Variants in IKZF1 observed in about 807,000 individuals in gnomAD.
IKZF1 encodes the protein DNA-binding protein Ikaros.
In IKZF1, 10 loss-of-function variants were observed where a neutral mutation model predicts 51.7. That is an observed-to-expected ratio of 0.19 (90% CI 0.12 to 0.33). The LOEUF (loss-of-function observed/expected upper bound fraction) is 0.33, where lower values mean the gene tolerates loss of function less well. Among genes scored for constraint, IKZF1 ranks in the 10% least tolerant of loss-of-function variants. The pLI is 1.00. For synonymous variants in IKZF1, 280 were observed against 282.3 expected (o/e 0.99, Z 0.08); for missense variants, 484 against 707.5 (o/e 0.68, Z 3.58).
chr7:50,367,821 C>T, intron 3 of IKZF1: 1 of 569,446 alleles, frequency 1.8e-6, no homozygotes, highest in Non-Finnish European at 3.1e-6. Flanking sequence ...GATTGTGGTC[C>T]TGTTCATGAG....
intron 3 of IKZF1, among the ~76,000 whole-genome samples, chr7:50,344,397 T>C (rs1188751751): frequency 6.6e-6 from 1 of 152,220 alleles, no homozygotes; most frequent in African/African-American, 2.4e-5. Context: ...ATGAAGTCAA[T>C]CAGCAGTGTT....
At chr7:50,391,237 T>C (rs1289553807) in intron 6 of IKZF1, among the ~76,000 whole-genome samples, 13 of 152,192 alleles carry the variant, frequency 8.5e-5, no homozygotes. Flanking sequence ...TCTGGGTTTT[T>C]CCTCCACATT....
intron 3 of IKZF1, chr7:50,369,745 G>A: frequency 2.5e-6 from 1 of 395,680 alleles, no homozygotes; most frequent in East Asian, 3.6e-5. Flanking sequence ...AGTTGCTGGA[G>A]GAAAGAAAAT....
rs141727094 is a variant in IKZF1 at position 50,389,258 on chromosome 7, G to T, written c.715+1788G>T. ...AAGGAGTGGATACACGTGTGAGCAG[G>T]AGCCTAGACATGTGTCAGGTACTTA... On this transcript the variant is annotated intron_variant, in intron 6 of 7. Transcript: ENST00000331340. 5.4e-3 allele frequency among the ~76,000 whole-genome samples: 826 copies of T among 152,340 alleles called. 5 individuals are homozygous for T. The highest frequency in any genetic ancestry group is 0.014 in the African/African-American group (586 of 41,582).
intron 3 of IKZF1, among the ~76,000 whole-genome samples, chr7:50,359,502 A>G (rs1350057410): frequency 1.3e-5 from 2 of 152,268 alleles, no homozygotes; most frequent in East Asian, 1.9e-4. Context: ...ACTGCTGCCT[A>G]TTTGGCCGCA....
At chr7:50,331,957 A>G (rs1796526921) in intron 3 of IKZF1, among the ~76,000 whole-genome samples, 1 of 152,238 alleles carries the variant, frequency 6.6e-6, no homozygotes, top group African/African-American at 2.4e-5. Context: ...TGGTCTATTT[A>G]GTGAGACTGT....
intron 3 of IKZF1, chr7:50,369,708 A>G (rs1808094853): frequency 5.0e-6 from 2 of 396,100 alleles, no homozygotes; most frequent in Non-Finnish European, 8.9e-6. Context: ...CACCCCCTCT[A>G]CTGTCCTTAT....
intron 3 of IKZF1, among the ~76,000 whole-genome samples, chr7:50,353,226 C>A (rs1802328264): frequency 6.6e-6 from 1 of 152,236 alleles, no homozygotes; most frequent in African/African-American, 2.4e-5. Flanking sequence ...GCAGAATTTG[C>A]AGCTCCATGT....
intron 2 of IKZF1, among the ~76,000 whole-genome samples, chr7:50,322,320 T>G (rs917959053): frequency 1.3e-5 from 2 of 152,212 alleles, no homozygotes; most frequent in African/African-American, 4.8e-5. Flanking sequence ...CCATAAAATA[T>G]TAAAGTATCA....
intron 1 of IKZF1, among the ~76,000 whole-genome samples, chr7:50,314,475 G>C (rs1790993475): frequency 6.6e-6 from 1 of 152,234 alleles, no homozygotes; most frequent in Admixed American, 6.5e-5. Context: ...AATTTTGAGT[G>C]ACCCTCAGTA....
intron 3 of IKZF1, among the ~76,000 whole-genome samples, chr7:50,370,918 G>C (rs1216455757): frequency 6.6e-6 from 1 of 152,160 alleles, no homozygotes; most frequent in Admixed American, 6.5e-5. Context: ...CAATACCACA[G>C]CTAAGCAGTT....
Position 50,306,654 on chromosome 7 carries a change from G to A in IKZF1, c.-15+1732G>A, listed in dbSNP as rs184814370. Among the ~76,000 whole-genome samples the A allele has an allele frequency of 1.0e-3, 155 of 152,356 alleles. 1 individual carries two copies. The highest frequency in any genetic ancestry group is 3.3e-3 in the Admixed American group (51 of 15,308). ...AAGAGAAGATCAGCTGTGGCCGTTT[G>A]TAGCCATTTCCTTTGTCGAAAAACT... On this transcript the variant is annotated intron_variant, in intron 1 of 7. Coordinates refer to ENST00000331340, the MANE Select transcript of IKZF1 (RefSeq NM_006060.6).
intron 3 of IKZF1, among the ~76,000 whole-genome samples, chr7:50,330,851 G>C (rs1482107122): frequency 6.6e-6 from 1 of 152,150 alleles, no homozygotes; most frequent in Non-Finnish European, 1.5e-5. Context: ...GCCGAGAGGA[G>C]GAAATGGAGT....
chr7:50,314,486 C>T (rs1435268285), intron 1 of IKZF1, among the ~76,000 whole-genome samples: 1 of 152,206 alleles, frequency 6.6e-6, no homozygotes, highest in East Asian at 1.9e-4. Flanking sequence ...ACCCTCAGTA[C>T]TTTGTACAGT....
At chr7:50,319,126 T>A in intron 2 of IKZF1, 25 bp downstream of exon 2, 1 of 1,611,052 alleles carries the variant, frequency 6.2e-7, no homozygotes. Context: ...GATAGCTGTG[T>A]GGGAAGTTCA....
intron 2 of IKZF1, among the ~76,000 whole-genome samples, chr7:50,321,396 C>G (rs996339161): frequency 1.3e-5 from 2 of 152,198 alleles, no homozygotes; most frequent in African/African-American, 2.4e-5. Flanking sequence ...CTGGGAAACA[C>G]TGGTAGATGA....
intron 4 of IKZF1, among the ~76,000 whole-genome samples, chr7:50,379,315 C>T (rs1811183635): frequency 6.6e-6 from 1 of 152,212 alleles, no homozygotes; most frequent in African/African-American, 2.4e-5. Flanking sequence ...CCTCCTCCTG[C>T]CCATGGCTGA....
chr7:50,325,868 A>G (rs1794858070), intron 2 of IKZF1, among the ~76,000 whole-genome samples: 1 of 152,120 alleles, frequency 6.6e-6, no homozygotes, highest in South Asian at 2.1e-4. Flanking sequence ...ACTTTCACTC[A>G]ATGTCTCTCT....
intron 3 of IKZF1, among the ~76,000 whole-genome samples, chr7:50,373,986 A>C (rs1238767855): frequency 6.6e-6 from 1 of 152,206 alleles, no homozygotes; most frequent in African/African-American, 2.4e-5. Flanking sequence ...AGAGCATTTG[A>C]AGAATCCCCA....
Sources: gnomAD v4.1 joint callset for allele counts (sites outside exome capture counted in the v4.1 genomes callset) on GRCh38, gnomAD v4.1.1 for gene constraint, MANE v1.5 for transcripts, NCBI Gene and HGNC (gene_info 2026-07-23, HGNC 2026-07-21) for gene names.